The following CCNB2 variants were observed in gnomAD, a reference collection of about 807,000 sequenced individuals.
CCNB2 encodes cyclin B2, also known as G2/mitotic-specific cyclin-B2.
In CCNB2, 39 loss-of-function variants were observed where a neutral mutation model predicts 51.1. That is an observed-to-expected ratio of 0.76 (90% confidence interval 0.59 to 1.00). The LOEUF is 1.00. CCNB2 is among the 50% of genes least tolerant of loss of function. The pLI is 0.00. For synonymous variants in CCNB2, 174 were observed against 165.5 expected, an observed-to-expected ratio of 1.05 and a Z score of -0.40; for missense variants, 472 against 470.3, an observed-to-expected ratio of 1.00 and a Z score of -0.03.
chr15:59,119,884 T>A (rs577150939), intron 7 of CCNB2, among the ~76,000 whole-genome samples: 1 of 152,064 alleles, frequency 6.6e-6, no homozygotes, highest in Non-Finnish European at 1.5e-5. Flanking sequence ...TTTTAAAGTT[T>A]TTTTGTAGAG....
At chr15:59,124,307 G>A (rs549303558) in intron 8 of CCNB2, 1 of 170,570 alleles carries the variant, frequency 5.9e-6, no homozygotes, top group South Asian at 1.3e-4. Context: ...AACATGATTT[G>A]CTTCATGGAA....
At chr15:59,110,759 G>A (rs2079254425) in intron 3 of CCNB2, among the ~76,000 whole-genome samples, 1 of 152,180 alleles carries the variant, frequency 6.6e-6, no homozygotes, top group Admixed American at 6.5e-5. Flanking sequence ...CTGAGACCTC[G>A]GAAGAGTTCC....
chr15:59,114,618 G>A lies in CCNB2; in HGVS notation c.438+4G>A, dbSNP rs758400651. 1 of 1,589,196 alleles carries A rather than the reference G, an allele frequency of 6.3e-7. No homozygotes were observed. Among genetic ancestry groups the A allele is most frequent in the South Asian group, 1.1e-5 (1 of 88,784 alleles). On this transcript the variant is annotated splice_donor_region_variant and intron_variant, in intron 4 of 8. Transcript: ENST00000288207. ...TCAGTATCTCAGGCAGCTGGAGGTA[G>A]GTGGGCCTTTGTGTTTTGGTTGTAT...
intron 1 of CCNB2, among the ~76,000 whole-genome samples, chr15:59,105,508 C>T (rs537715218): frequency 2.6e-5 from 4 of 152,376 alleles, no homozygotes; most frequent in East Asian, 1.9e-4. Flanking sequence ...CCCCTCCCTG[C>T]CCCGGGGTGG....
intron 1 of CCNB2, 115 bp downstream of exon 1, chr15:59,105,407 C>A (rs1423048664): frequency 8.4e-7 from 1 of 1,185,032 alleles, no homozygotes; most frequent in Non-Finnish European, 1.2e-6. Context: ...CTTTTCTCTT[C>A]TCCGGAGCTC....
At chr15:59,111,260 C>T (rs941100622) in intron 3 of CCNB2, among the ~76,000 whole-genome samples, 1 of 152,186 alleles carries the variant, frequency 6.6e-6, no homozygotes, top group African/African-American at 2.4e-5. Flanking sequence ...ACTCAAACTC[C>T]TGGGCACAAG....
In CCNB2 at chr15:59,121,931, CAAAAAAAAAAA is replaced by C. The variant is rs3052992; in HGVS notation, c.976-1566_976-1556del. Among the ~76,000 whole-genome samples the C allele has an allele frequency of 9.2e-4, 13 of 14,106 alleles. No homozygotes were observed. The East Asian group carries it at 0.011, about 12-fold the overall frequency. The allele number at this position is 14,106 out of a possible 152,430, so 9.3% of individuals were successfully genotyped here. On this transcript the variant is annotated intron_variant, in intron 7 of 8. Coordinates refer to ENST00000288207, the MANE Select transcript of CCNB2 (RefSeq NM_004701.4). ...TGGGCGACAGAATGAGACTCTGTCT[CAAAAAAAAAAA>C]AAAAAAAAAAAAAAAAAAAGGAGAA...
Position 59,117,404 on chromosome 15 carries a change from A to G in CCNB2, c.975+36A>G, listed in dbSNP as rs774979748. ...GATTTAAGAAGAAACTAATTAGGCT[A>G]TATTTTAGTCCTTCGTAATACAAAA... On this transcript the variant is annotated intron_variant, in intron 7 of 8. Transcript: ENST00000288207. 2.6e-5 allele frequency: 41 copies of G among 1,600,614 alleles called. No individual in the cohort carries two copies. The South Asian group carries it at 3.0e-4, about 12-fold the overall frequency.
At chr15:59,117,163 C>T (rs955255998) in intron 6 of CCNB2, 65 bp from the exon 7 acceptor site, 46 of 1,540,120 alleles carry the variant, frequency 3.0e-5, no homozygotes, top group Admixed American at 1.5e-4. Context: ...TAGGCCTTCA[C>T]GCAGAATTTT....
intron 3 of CCNB2, among the ~76,000 whole-genome samples, chr15:59,107,902 G>A (rs546916704): frequency 1.3e-5 from 2 of 152,294 alleles, no homozygotes; most frequent in South Asian, 4.1e-4. Context: ...GAGAGGCTGA[G>A]GCAGGAGGAT....
intron 1 of CCNB2, among the ~76,000 whole-genome samples, chr15:59,106,089 C>G (rs570834854): frequency 6.6e-6 from 1 of 152,162 alleles, no homozygotes; most frequent in Non-Finnish European, 1.5e-5. Flanking sequence ...CCTGACACAC[C>G]TGAGTTCCAT....
At chr15:59,114,939 G>T in intron 5 of CCNB2, 63 bp downstream of exon 5, 1 of 1,491,202 alleles carries the variant, frequency 6.7e-7, no homozygotes, top group African/African-American at 1.4e-5. Flanking sequence ...ATGCTTGGGG[G>T]ATAGAAAACT....
chr15:59,117,278 C>G lies in CCNB2; in HGVS notation c.885C>G (p.Leu295=), dbSNP rs773543738. The G allele has an allele frequency of 1.9e-6, 3 of 1,613,426 alleles. No homozygotes were observed. Among genetic ancestry groups the G allele is most frequent in the South Asian group, 2.2e-5 (2 of 91,040 alleles). The change falls in exon 7 of 9, where the codon CTC becomes CTG. Residue 295 remains leucine (L), a synonymous_variant. Coordinates refer to ENST00000288207, the MANE Select transcript of CCNB2 (RefSeq NM_004701.4). ...CCAAGTATTTGATGGAGCTGACTCTCATCGACTATGATATGGTGCATTATC... is the reference window on the plus strand; with the variant it reads ...CCAAGTATTTGATGGAGCTGACTCTGATCGACTATGATATGGTGCATTATC... ...TLAKYLMELT[L]IDYDMVHYHP...
intron 3 of CCNB2, among the ~76,000 whole-genome samples, chr15:59,111,963 C>A (rs1406620928): frequency 1.3e-5 from 2 of 151,534 alleles, no homozygotes; most frequent in African/African-American, 4.9e-5. Context: ...GGTGATTCTC[C>A]CATTTCAGCC....
At chr15:59,111,375 GA>G (rs1158455113) in intron 3 of CCNB2, among the ~76,000 whole-genome samples, 1 of 152,206 alleles carries the variant, frequency 6.6e-6, no homozygotes, top group Non-Finnish European at 1.5e-5. Flanking sequence ...TTGCACTTCT[GA>G]ATAGGAGCCA....
chr15:59,119,211 TG>T (rs1213214875), intron 7 of CCNB2, among the ~76,000 whole-genome samples: 1 of 152,164 alleles, frequency 6.6e-6, no homozygotes, highest in Admixed American at 6.5e-5. Flanking sequence ...CATGTGAAAT[TG>T]GTAACAGAAC....
chr15:59,113,385 A>G (rs2079265782), intron 3 of CCNB2, among the ~76,000 whole-genome samples: 2 of 152,300 alleles, frequency 1.3e-5, no homozygotes, highest in South Asian at 4.1e-4. Context: ...TTTATTGAGC[A>G]CCTACTACGT....
At chr15:59,111,229 T>G (rs2079256085) in intron 3 of CCNB2, among the ~76,000 whole-genome samples, 1 of 152,188 alleles carries the variant, frequency 6.6e-6, no homozygotes, top group Non-Finnish European at 1.5e-5. Flanking sequence ...GGAGAAGATC[T>G]CACTATGTTG....
At chr15:59,119,674 A>C (rs2079294426) in intron 7 of CCNB2, among the ~76,000 whole-genome samples, 1 of 152,158 alleles carries the variant, frequency 6.6e-6, no homozygotes, top group South Asian at 2.1e-4. Context: ...ATTAAGGACT[A>C]AAATTTTCAA....
Sources: allele counts gnomAD v4.1 joint callset (sites outside exome capture counted in the v4.1 genomes callset), GRCh38; gene constraint gnomAD v4.1.1; transcripts MANE v1.5; gene names NCBI Gene and HGNC (gene_info 2026-07-23, HGNC 2026-07-21).